ZP4: variants seen among roughly 807,000 people sequenced by gnomAD.
ZP4 encodes zona pellucida sperm-binding protein 4.
A neutral mutation model predicts 62.3 loss-of-function variants in ZP4; 62 were observed. The ratio of observed to expected loss-of-function variants is 0.99; its 90% confidence interval spans 0.81 to 1.23. ZP4 has a LOEUF of 1.23. Among genes scored for constraint, ZP4 ranks in the 50% most tolerant of loss-of-function variants. ZP4 has a pLI of 0.00. For synonymous variants in ZP4, 289 were observed against 247.3 expected (o/e 1.17, Z -1.58); for missense variants, 774 against 656.0 (o/e 1.18, Z -1.97).
Position 237,890,671 on chromosome 1 carries a change from C to T in ZP4, c.-36G>A. ...GGAGTTCCTGCCGGCTGCAGACTCT[C>T]CGCCTCCTCTCCCAAGAGCCGAGGG... On this transcript the variant is annotated 5_prime_UTR_variant, in exon 1 of 12. Transcript: ENST00000366570. 1 of 1,594,506 alleles carries T rather than the reference C, an allele frequency of 6.3e-7. No homozygotes were observed. The highest frequency in any genetic ancestry group is 8.5e-7 in the Non-Finnish European group (1 of 1,170,068).
intron 10 of ZP4, among the ~76,000 whole-genome samples, chr1:237,883,633 AGGGG>A (rs1664971578): frequency 9.0e-5 from 1 of 11,148 alleles, no homozygotes; most frequent in African/African-American, 3.7e-4. Context: ...AGAGAGGGGG[AGGGG>A]GAGGGCGGGG....
Position 237,890,621 on chromosome 1 carries a change from C to A in ZP4, c.15G>T (p.Arg5=). The A allele has an allele frequency of 3.1e-6, 5 of 1,613,134 alleles. No individual in the cohort carries two copies. Among genetic ancestry groups the A allele is most frequent in the Non-Finnish European group, 4.2e-6 (5 of 1,179,680 alleles). MWLL[R]CVLLCVSLSL... Reference sequence around the variant, plus strand: ...ATAATGAAACACACAGCAAAACGCACCGCAGCAGCCACATAATGCTACCAG... The same window carrying A: ...ATAATGAAACACACAGCAAAACGCAACGCAGCAGCCACATAATGCTACCAG... The change falls in exon 1 of 12, where the codon CGG becomes CGT. Residue 5 remains arginine (R), a synonymous_variant. Coordinates refer to ENST00000366570, the MANE Select transcript of ZP4 (RefSeq NM_021186.5).
chr1:237,887,261 C>T (rs1665125155), intron 5 of ZP4, 113 bp downstream of exon 5: 2 of 1,275,630 alleles, frequency 1.6e-6, no homozygotes, highest in Non-Finnish European at 2.2e-6. Flanking sequence ...TCCCAAACTC[C>T]AAGTAGTAGT....
intron 10 of ZP4, among the ~76,000 whole-genome samples, chr1:237,883,256 T>C (rs957865002): frequency 6.6e-6 from 1 of 152,116 alleles, no homozygotes; most frequent in Non-Finnish European, 1.5e-5. Flanking sequence ...ACTTGAAATA[T>C]ACAGTTTTAC....
At chr1:237,883,726 G>A (rs566005079) in intron 10 of ZP4, among the ~76,000 whole-genome samples, 2,684 of 16,192 alleles carry the variant, frequency 0.17, 871 homozygotes, top group African/African-American at 0.59. Flanking sequence ...GGGGAGGGCG[G>A]GGGAGGGAGA....
intron 6 of ZP4, among the ~76,000 whole-genome samples, chr1:237,886,245 T>A (rs1201159466): frequency 6.6e-6 from 1 of 152,130 alleles, no homozygotes; most frequent in Non-Finnish European, 1.5e-5. Flanking sequence ...AAGGAAGTGC[T>A]TGAGGCCCTT....
At chr1:237,890,271 G>A in intron 1 of ZP4, 95 bp from the exon 2 acceptor site, 2 of 1,576,768 alleles carry the variant, frequency 1.3e-6, no homozygotes, top group Non-Finnish European at 1.7e-6. Flanking sequence ...AGGAGCAACT[G>A]TCAATAAGAG....
At chr1:237,890,009 C>T (rs1264820454) in intron 2 of ZP4, 40 bp from the exon 3 acceptor site, 4 of 1,614,024 alleles carry the variant, frequency 2.5e-6, no homozygotes, top group Non-Finnish European at 3.4e-6. Flanking sequence ...TGGATGGTAG[C>T]ATGAGGCGCT....
chr1:237,882,572 G>A (rs774399969), intron 11 of ZP4, 23 bp from the exon 12 acceptor site: 15 of 1,586,986 alleles, frequency 9.5e-6, no homozygotes, highest in Non-Finnish European at 9.4e-6. Flanking sequence ...TGGAAAGGTA[G>A]GTTAATGTAT....
At chr1:237,885,347 C>T in intron 8 of ZP4, 32 bp from the exon 9 acceptor site, 12 of 1,611,764 alleles carry the variant, frequency 7.4e-6, no homozygotes, top group Non-Finnish European at 1.0e-5. Context: ...TCAGGATGGG[C>T]TTCTTTGAGA....
chr1:237,886,786 C>G lies in ZP4; in HGVS notation c.824G>C (p.Arg275Pro). The change falls in exon 6 of 12, where the codon CGT (arginine) becomes CCT (proline). Residue 275 changes from arginine to proline, a missense_variant. Arg to Pro is a moderately radical substitution (Grantham distance 103). Transcript: ENST00000366570. ...AAGCCCTTACCTGAAGATGCTGTCA[C>G]GAGTGACAGAGCCACGGCTCCCATT... is the stretch of plus-strand genomic sequence containing the variant. ...VKNGSRGSVT[R>P]DSIFRLHVSC... The G allele has an allele frequency of 6.2e-7, 1 of 1,613,902 alleles. No homozygotes were observed. The highest frequency in any genetic ancestry group is 8.5e-7 in the Non-Finnish European group (1 of 1,179,918).
At chr1:237,886,026 G>A (rs1156908763) in intron 6 of ZP4, 140 bp from the exon 7 acceptor site, 3 of 1,193,922 alleles carry the variant, frequency 2.5e-6, no homozygotes, top group East Asian at 4.9e-5. Flanking sequence ...CCTGCTGGGA[G>A]CTGTATTTTA....
intron 4 of ZP4, among the ~76,000 whole-genome samples, chr1:237,887,983 T>G (rs2103019331): frequency 6.6e-6 from 1 of 152,252 alleles, no homozygotes; most frequent in Admixed American, 6.5e-5. Flanking sequence ...GAGGTCAAGT[T>G]TATGTTAGAA....
At chr1:237,883,969 CACACACACACACAA>C (rs1381988208) in intron 10 of ZP4, among the ~76,000 whole-genome samples, 2,012 of 55,482 alleles carry the variant, frequency 0.036, 51 homozygotes, top group African/African-American at 0.1. Context: ...CACACACAAA[CACACACACACACAA>C]ACACACACAC....
intron 4 of ZP4, among the ~76,000 whole-genome samples, 195 bp from the exon 5 acceptor site, chr1:237,887,756 C>T (rs1665139835): frequency 6.6e-6 from 1 of 152,174 alleles, no homozygotes; most frequent in Non-Finnish European, 1.5e-5. Context: ...GTCTTGCCTC[C>T]CTGACTTATT....
chr1:237,889,752 C>T, intron 3 of ZP4, 115 bp downstream of exon 3: 5 of 918,518 alleles, frequency 5.4e-6, no homozygotes, highest in Non-Finnish European at 8.8e-6. Flanking sequence ...GGGACATGAT[C>T]CTTCCTTCAT....
chr1:237,883,087 T>G (rs966435523), intron 10 of ZP4, among the ~76,000 whole-genome samples: 5 of 152,208 alleles, frequency 3.3e-5, no homozygotes, highest in African/African-American at 1.2e-4. Flanking sequence ...TGCCATCCTT[T>G]TCTAAATAGT....
At chr1:237,884,493 G>C (rs73112210) in intron 10 of ZP4, among the ~76,000 whole-genome samples, 2,677 of 152,206 alleles carry the variant, frequency 0.018, 38 homozygotes, top group African/African-American at 0.039. Flanking sequence ...GTTAAAATGA[G>C]ACATAAGATA....
Position 237,890,724 on chromosome 1 carries a change from A to C in ZP4, c.-89T>G. 6.9e-7 allele frequency: 1 copy of C among 1,442,256 alleles called. No homozygotes were observed. The highest frequency in any genetic ancestry group is 9.3e-7 in the Non-Finnish European group (1 of 1,075,094). 89.3% of individuals were successfully genotyped at this position (1,442,256 alleles called of 1,614,324 possible). A position where few individuals can be genotyped will look rare whatever the true frequency, so the allele number is the denominator to read the frequency against. On this transcript the variant is annotated 5_prime_UTR_variant, in exon 1 of 12. Coordinates refer to ENST00000366570, the MANE Select transcript of ZP4 (RefSeq NM_021186.5). The stretch of plus-strand genomic sequence containing the variant: ...TGCCTGCCCAGATTCCTTTATATAC[A>C]GAAGTCAGGCTTGTTTTCAGCTGCA...
Sources: gnomAD v4.1 joint callset for allele counts (sites outside exome capture counted in the v4.1 genomes callset) on GRCh38, gnomAD v4.1.1 for gene constraint, MANE v1.5 for transcripts, NCBI Gene and HGNC (gene_info 2026-07-23, HGNC 2026-07-21) for gene names.